Variants in TSHZ2 observed in about 807,000 individuals in gnomAD.
TSHZ2 encodes the protein teashirt homolog 2.
TSHZ2 carries 21 observed loss-of-function variants against 74.4 expected under a neutral mutation model. The ratio of observed to expected loss-of-function variants is 0.28; its 90% CI spans 0.20 to 0.41. The LOEUF is 0.41. Ranked by LOEUF, TSHZ2 falls within the 10% of genes least tolerant of loss-of-function variation. The pLI, the probability that TSHZ2 is intolerant of heterozygous loss-of-function variation, is 1.00. For missense variants in TSHZ2, 1,244 were observed against 1,293.5 expected (o/e 0.96, Z 0.59); for synonymous variants, 540 against 515.3 (o/e 1.05, Z -0.65).
At chr20:53,434,152 G>C (rs900845766) in intron 2 of TSHZ2, among the ~76,000 whole-genome samples, 1 of 152,152 alleles carries the variant, frequency 6.6e-6, no homozygotes, top group Admixed American at 6.5e-5. Context: ...TTACAGGCAC[G>C]AGCCACCACA....
At chr20:53,312,276 T>C (rs200595) in intron 2 of TSHZ2, among the ~76,000 whole-genome samples, 75,574 of 151,862 alleles carry the variant, frequency 0.5, 19,048 homozygotes, top group Non-Finnish European at 0.54. Flanking sequence ...TTTACAAATA[T>C]CAAGAGACGT....
At chr20:53,463,370 C>G (rs1237778144) in intron 2 of TSHZ2, among the ~76,000 whole-genome samples, 2 of 99,520 alleles carry the variant, frequency 2.0e-5, no homozygotes, top group African/African-American at 8.0e-5. Context: ...TCTTGAAAGA[C>G]AGAGAGAGAG....
At chr20:53,409,236 TTTG>T (rs936727474) in intron 2 of TSHZ2, among the ~76,000 whole-genome samples, 4 of 130,756 alleles carry the variant, frequency 3.1e-5, no homozygotes, top group Non-Finnish European at 6.8e-5. Context: ...TAATGCTCTG[TTTG>T]TTTTTTTTAA....
chr20:53,296,541 A>G (rs1991383861), intron 2 of TSHZ2, among the ~76,000 whole-genome samples: 1 of 152,184 alleles, frequency 6.6e-6, no homozygotes, highest in Non-Finnish European at 1.5e-5. Flanking sequence ...GGGTTGTTTC[A>G]TCTCAAGCCC....
At chr20:53,392,809 G>T (rs187106626) in intron 2 of TSHZ2, among the ~76,000 whole-genome samples, 1 of 152,162 alleles carries the variant, frequency 6.6e-6, no homozygotes. Context: ...TGTCACCCAG[G>T]TAATCAGCAT....
intron 2 of TSHZ2, among the ~76,000 whole-genome samples, chr20:53,315,602 G>A (rs185208990): frequency 1.3e-5 from 2 of 152,108 alleles, no homozygotes; most frequent in Admixed American, 6.6e-5. Flanking sequence ...TCTCCTTTAG[G>A]TTTTTGTGGA....
At chr20:53,306,604 A>G (rs1428731264) in intron 2 of TSHZ2, among the ~76,000 whole-genome samples, 3 of 152,310 alleles carry the variant, frequency 2.0e-5, no homozygotes, top group Middle Eastern at 6.8e-3. Flanking sequence ...AAATAGTTAA[A>G]TATTTAAATG....
At chr20:53,168,283 G>A (rs934470907) in intron 1 of TSHZ2, among the ~76,000 whole-genome samples, 1 of 152,154 alleles carries the variant, frequency 6.6e-6, no homozygotes, top group African/African-American at 2.4e-5. Flanking sequence ...CTCACCCCAG[G>A]CTGTGACAGA....
intron 1 of TSHZ2, among the ~76,000 whole-genome samples, chr20:53,023,624 TTTTTTTGCTTTTTG>T (rs1297630530): frequency 1.3e-3 from 110 of 82,368 alleles, no homozygotes; most frequent in South Asian, 2.9e-3. Flanking sequence ...TTTTTGTTTT[TTTTTTTGCTTTTTG>T]TTTTTTATGA....
At position 53,140,401 on chromosome 20, in the gene TSHZ2, G is replaced by A. The variant is rs375007441; in HGVS notation, c.41-113098G>A. ...TAAAAATACAAAAAATTAGCCAGGC[G>A]AGGTGGCAGGCGCCTGTAGTCCCAG... is the stretch of plus-strand genomic sequence containing the variant. On this transcript the variant is annotated intron_variant, in intron 1 of 2. Transcript: ENST00000371497. Among the ~76,000 whole-genome samples, 19 of 151,800 alleles carry A rather than the reference G, an allele frequency of 1.3e-4. No individual in the cohort carries two copies. The East Asian group carries it at 1.6e-3, about 12-fold the overall frequency.
chr20:53,179,296 A>G (rs751796309), intron 1 of TSHZ2: 19 of 152,240 alleles, frequency 1.2e-4, no homozygotes, highest in Non-Finnish European at 2.5e-4. Flanking sequence ...ATAAAATGGA[A>G]ACTAGGTGAA....
chr20:53,404,135 T>C (rs939532819), intron 2 of TSHZ2, among the ~76,000 whole-genome samples: 11 of 152,174 alleles, frequency 7.2e-5, no homozygotes, highest in African/African-American at 2.7e-4. Flanking sequence ...TTTCTTTTTC[T>C]TTTTTTAAAA....
chr20:52,974,911 A>T (rs1028968631), intron 1 of TSHZ2, among the ~76,000 whole-genome samples: 1 of 152,226 alleles, frequency 6.6e-6, no homozygotes, highest in African/African-American at 2.4e-5. Flanking sequence ...AATAATTAAA[A>T]TATTTTTAGT....
chr20:53,055,306 T>C (rs188019335), intron 1 of TSHZ2, among the ~76,000 whole-genome samples: 89 of 152,296 alleles, frequency 5.8e-4, no homozygotes, highest in Non-Finnish European at 1.0e-3. Context: ...TAGCTCTTGA[T>C]TAAATGAGTC....
intron 1 of TSHZ2, among the ~76,000 whole-genome samples, chr20:53,176,347 AG>A (rs1480892748): frequency 6.6e-6 from 1 of 152,218 alleles, no homozygotes; most frequent in Non-Finnish European, 1.5e-5. Flanking sequence ...CAGGTGTCAG[AG>A]GGACAGTGCT....
At chr20:53,367,634 G>A (rs910288120) in intron 2 of TSHZ2, among the ~76,000 whole-genome samples, 1 of 151,568 alleles carries the variant, frequency 6.6e-6, no homozygotes, top group African/African-American at 2.4e-5. Flanking sequence ...GCAGTGGCGC[G>A]ATCTCGGCTC....
intron 2 of TSHZ2, chr20:53,398,714 C>G (rs1671079816): frequency 6.6e-6 from 1 of 152,246 alleles, no homozygotes; most frequent in African/African-American, 2.4e-5. Flanking sequence ...AATTGCACCA[C>G]TGCACTCCAG....
chr20:53,013,513 T>C (rs1982929395), intron 1 of TSHZ2, among the ~76,000 whole-genome samples: 1 of 152,246 alleles, frequency 6.6e-6, no homozygotes, highest in Admixed American at 6.5e-5. Flanking sequence ...CAAATATTTA[T>C]AGTGTGTGGT....
intron 1 of TSHZ2, among the ~76,000 whole-genome samples, chr20:53,226,730 T>G (rs1407134658): frequency 1.3e-5 from 2 of 152,104 alleles, no homozygotes; most frequent in African/African-American, 4.8e-5. Flanking sequence ...TACCGTCCTG[T>G]GTTATCAGTG....
Sources: gnomAD v4.1 joint callset for allele counts (sites outside exome capture counted in the v4.1 genomes callset) on GRCh38, gnomAD v4.1.1 for gene constraint, MANE v1.5 for transcripts, NCBI Gene and HGNC (gene_info 2026-07-23, HGNC 2026-07-21) for gene names.